PHYKPL: variants seen among roughly 807,000 people sequenced by gnomAD.
PHYKPL encodes 5-phosphonooxy-L-lysine phospho-lyase.
A neutral mutation model predicts 51.3 loss-of-function variants in PHYKPL; 42 were observed. The observed-to-expected ratio is 0.82, with a 90% CI of 0.64 to 1.06. The LOEUF (loss-of-function observed/expected upper bound fraction) is 1.06, where lower values mean the gene tolerates loss of function less well. Ranked by LOEUF, PHYKPL falls within the 50% of genes least tolerant of loss-of-function variation. The pLI is 0.00. For missense variants in PHYKPL, 655 were observed against 586.6 expected (o/e 1.12, Z -1.20); for synonymous variants, 264 against 236.0 (o/e 1.12, Z -1.09).
At chr5:178,210,450 C>G in intron 12 of PHYKPL, 2 of 1,489,626 alleles carry the variant, frequency 1.3e-6, no homozygotes, top group South Asian at 1.1e-5. Context: ...AAGGCAGTCT[C>G]TGCTGTCACG....
At chr5:178,225,507 C>G in intron 3 of PHYKPL, 78 bp from the exon 4 acceptor site, 2 of 1,404,176 alleles carry the variant, frequency 1.4e-6, no homozygotes, top group Non-Finnish European at 2.0e-6. Flanking sequence ...GCAGGAGGAC[C>G]CTTCCAGCAG....
rs1761369375 is a variant in PHYKPL at position 178,222,501 on chromosome 5, C to G, written c.781G>C (p.Ala261Pro). The G allele has an allele frequency of 6.2e-7, 1 of 1,614,130 alleles. No individual in the cohort carries two copies. Among genetic ancestry groups the G allele is most frequent in the African/African-American group, 1.3e-5 (1 of 74,934 alleles). Residue 261 changes from alanine (A) to proline (P), a missense_variant, in exon 8 of 13, where the codon GCC becomes CCC. Physicochemically the swap from Ala to Pro is conservative, Grantham distance 27. Transcript: ENST00000308158. ...AAGTCTTTTCCCTGGAGCTGGAAGG[C>G]CCAGAAGTGCTTGCCTACCCGGCCA... Reference protein sequence around the residue: ...GFGRVGKHFWAFQLQGKDFVP... With the variant: ...GFGRVGKHFWPFQLQGKDFVP...
intron 8 of PHYKPL, among the ~76,000 whole-genome samples, chr5:178,220,101 G>T (rs188852925): frequency 3.4e-4 from 52 of 151,440 alleles, no homozygotes; most frequent in African/African-American, 1.2e-3. Context: ...AGGCTGAAGT[G>T]GGGGGATCAC....
At position 178,213,075 on chromosome 5, in the gene PHYKPL, T is replaced by C. The variant is rs377596425; in HGVS notation, c.1201A>G (p.Thr401Ala). Residue 401 changes from threonine to alanine, a missense_variant, in exon 11 of 13, where the codon ACT becomes GCT. By Grantham distance (58) the Thr-to-Ala change is moderately conservative. Coordinates refer to ENST00000308158, the MANE Select transcript of PHYKPL (RefSeq NM_153373.4). ...AGGATGTTCCTCCCAGGGCCATCAG[T>C]GCTCAGCAAAACGTAGTTCTCCTTC... ...RLKENYVLLS[T>A]DGPGRNILKF... 9.3e-6 allele frequency: 15 copies of C among 1,614,212 alleles called. No homozygotes were observed. Among genetic ancestry groups the C allele is most frequent in the African/African-American group, 4.0e-5 (3 of 75,070 alleles).
chr5:178,215,236 C>T (rs1236392577), intron 9 of PHYKPL, 40 bp downstream of exon 9: 3 of 1,613,456 alleles, frequency 1.9e-6, no homozygotes, highest in South Asian at 1.1e-5. Context: ...CACACTGGGC[C>T]TTGGCAGGTG....
At chr5:178,231,065 G>A in intron 2 of PHYKPL, 2 of 226,350 alleles carry the variant, frequency 8.8e-6, no homozygotes, top group Non-Finnish European at 8.8e-6. Flanking sequence ...ACCTGAGATG[G>A]CCAATGGGGC....
intron 12 of PHYKPL, 116 bp downstream of exon 12, chr5:178,211,774 C>CATCA: frequency 1.5e-6 from 1 of 665,424 alleles, no homozygotes; most frequent in Non-Finnish European, 2.6e-6. Context: ...TGGGAAGGAG[C>CATCA]ATCAGTCAGA....
rs962225865 is a variant in PHYKPL, at chr5:178,232,526, C to T, written c.25G>A (p.Ala9Thr). Residue 9 changes from alanine to threonine, a missense_variant, in exon 1 of 13, where the codon GCC (alanine) becomes ACC (threonine). Physicochemically the swap from Ala to Thr is moderately conservative, Grantham distance 58. Coordinates refer to ENST00000308158, the MANE Select transcript of PHYKPL (RefSeq NM_153373.4). MAADQRPK[A>T]DTLALRQRLI... ...CGTTGCCTCAGGGCCAGCGTGTCGG[C>T]CTTCGGGCGCTGGTCTGCGGCCATG... 1.4e-5 allele frequency: 18 copies of T among 1,285,728 alleles called. No individual in the cohort carries two copies. The highest frequency in any genetic ancestry group is 2.9e-4 in the Middle Eastern group (1 of 3,466). 79.6% of individuals were successfully genotyped at this position (1,285,728 alleles called of 1,614,324 possible).
intron 6 of PHYKPL, 132 bp from the exon 7 acceptor site, chr5:178,223,066 T>C (rs1019898754): frequency 2.4e-6 from 2 of 824,478 alleles, no homozygotes; most frequent in Non-Finnish European, 2.0e-6. Context: ...TTGGGTTCCA[T>C]GTTACATCTG....
chr5:178,209,535 G>A (rs1335525213), intron 12 of PHYKPL: 3 of 1,159,162 alleles, frequency 2.6e-6, no homozygotes, highest in African/African-American at 1.5e-5. Flanking sequence ...CTGGTGCTGT[G>A]CAGCAGGGGT....
chr5:178,211,915 G>A lies in PHYKPL; in HGVS notation c.*6C>T. 1 of 1,614,040 alleles carries A rather than the reference G, an allele frequency of 6.2e-7. No homozygotes were observed. Among genetic ancestry groups the A allele is most frequent in the Admixed American group, 1.7e-5 (1 of 60,028 alleles). On this transcript the variant is annotated 3_prime_UTR_variant, in exon 12 of 13. Coordinates refer to ENST00000308158, the MANE Select transcript of PHYKPL (RefSeq NM_153373.4). ...CTGGAGTACACTTAGGCAGAGCAGGGCTGGCTTAGGGCTGGAGCCTCAGCG... is the reference window on the plus strand; with the variant it reads ...CTGGAGTACACTTAGGCAGAGCAGGACTGGCTTAGGGCTGGAGCCTCAGCG...
intron 6 of PHYKPL, 140 bp downstream of exon 6, chr5:178,224,308 A>C: frequency 1.0e-6 from 1 of 957,378 alleles, no homozygotes. Flanking sequence ...TGCTGAGCCC[A>C]AACTGCCCCT....
intron 11 of PHYKPL, among the ~76,000 whole-genome samples, chr5:178,212,453 T>C (rs1313338353): frequency 1.3e-5 from 2 of 152,226 alleles, no homozygotes; most frequent in East Asian, 3.8e-4. Flanking sequence ...GAGATTTCCT[T>C]GTAAGTGGAT....
intron 8 of PHYKPL, among the ~76,000 whole-genome samples, chr5:178,219,854 C>T (rs1760775351): frequency 6.6e-6 from 1 of 152,080 alleles, no homozygotes; most frequent in South Asian, 2.1e-4. Flanking sequence ...ACCATACAAG[C>T]TACTGTTTTA....
intron 1 of PHYKPL, 69 bp from the exon 2 acceptor site, chr5:178,231,592 A>AC (rs1482500567): frequency 3.1e-6 from 5 of 1,608,400 alleles, no homozygotes; most frequent in Non-Finnish European, 4.2e-6. Context: ...CTCATCGCAG[A>AC]CCCCCGCCCA....
intron 6 of PHYKPL, chr5:178,223,599 G>A (rs1396644037): frequency 2.5e-6 from 1 of 403,922 alleles, no homozygotes; most frequent in Non-Finnish European, 5.1e-6. Context: ...CCTTTTTTAG[G>A]TTTTATAGAA....
chr5:178,228,297 TAGAAAAC>T (rs1762681524), intron 3 of PHYKPL: 5 of 530,388 alleles, frequency 9.4e-6, no homozygotes, highest in African/African-American at 1.9e-5. Context: ...GAGAAGCTGA[TAGAAAAC>T]AGGAGAGCAC....
chr5:178,213,359 A>C (rs1293769952), intron 10 of PHYKPL, among the ~76,000 whole-genome samples: 2 of 152,240 alleles, frequency 1.3e-5, no homozygotes, highest in Non-Finnish European at 2.9e-5. Context: ...CTGGAGCCAC[A>C]GTCCAAGCCA....
intron 3 of PHYKPL, chr5:178,228,580 G>A (rs544248895): frequency 1.4e-6 from 1 of 702,570 alleles, no homozygotes. Flanking sequence ...TTGAACTGCT[G>A]TTACCCCACC....
Sources: allele counts gnomAD v4.1 joint callset (sites outside exome capture counted in the v4.1 genomes callset), GRCh38; gene constraint gnomAD v4.1.1; transcripts MANE v1.5; gene names NCBI Gene and HGNC (gene_info 2026-07-23, HGNC 2026-07-21).